Variants in ZNF600 observed in about 807,000 individuals in gnomAD.
ZNF600 encodes the protein zinc finger protein KR-ZNF1.
Under a neutral mutation model 7.3 loss-of-function variants are expected in ZNF600, and 4 were observed. That is an observed-to-expected ratio of 0.55 (90% CI 0.27 to 1.25). The LOEUF (loss-of-function observed/expected upper bound fraction) is 1.25, where lower values mean the gene tolerates loss of function less well. Ranked by LOEUF, ZNF600 falls within the 50% of genes most tolerant of loss-of-function variation. The pLI is 0.12. For missense variants in ZNF600, 911 were observed against 922.1 expected (o/e 0.99, Z 0.16); for synonymous variants, 290 against 308.9 (o/e 0.94, Z 0.64).
chr19:52,766,785 T>C (rs778833903), exon 4 of ZNF600: 1 of 1,614,142 alleles, frequency 6.2e-7, no homozygotes, highest in Middle Eastern at 1.6e-4. Context: ...CTCTCCAGTA[T>C]GAATTCTCTT....
exon 4 of ZNF600, chr19:52,766,625 A>C: frequency 1.2e-6 from 2 of 1,614,118 alleles, no homozygotes; most frequent in South Asian, 2.2e-5. Flanking sequence ...CATGAAGTCT[A>C]TGATGGCATA....
At chr19:52,815,362 C>CA in the ZNF600 span, among the ~76,000 whole-genome samples, 1 of 143,668 alleles carries the variant, frequency 7.0e-6, no homozygotes, top group Non-Finnish European at 1.5e-5. Context: ...ATTAAAAATA[C>CA]AAAAATTAGC....
At chr19:52,810,494 C>G in the ZNF600 span, 1 of 1,585,566 alleles carries the variant, frequency 6.3e-7, no homozygotes, top group Non-Finnish European at 8.7e-7. Context: ...GGATGAGTCC[C>G]TATTTAGAGG....
At chr19:52,798,426 T>G in the ZNF600 span, 1 of 423,356 alleles carries the variant, frequency 2.4e-6, no homozygotes, top group South Asian at 1.9e-5. Context: ...GCTATACTAA[T>G]GGCATTTGAA....
At chr19:52,810,917 CCA>C in the ZNF600 span, among the ~76,000 whole-genome samples, 2 of 103,436 alleles carry the variant, frequency 1.9e-5, no homozygotes, top group African/African-American at 8.5e-5. Context: ...CCCTCTCCCT[CCA>C]CAGTCTCCCT....
chr19:52,816,056 A>C, the ZNF600 span, among the ~76,000 whole-genome samples: 4 of 147,408 alleles, frequency 2.7e-5, no homozygotes, highest in Admixed American at 6.8e-5. Flanking sequence ...CTGACAGCTA[A>C]CACAGAACTG....
At chr19:52,810,071 A>T in the ZNF600 span, 1 of 751,102 alleles carries the variant, frequency 1.3e-6, no homozygotes, top group Non-Finnish European at 2.4e-6. Flanking sequence ...GAGCTCCAGG[A>T]CCTGGGCCTC....
At chr19:52,793,195 G>A in the ZNF600 span, among the ~76,000 whole-genome samples, 6 of 152,080 alleles carry the variant, frequency 3.9e-5, no homozygotes, top group East Asian at 1.9e-4. Flanking sequence ...TACTTCTTAC[G>A]TATACTGATT....
At chr19:52,830,893 C>T in the ZNF600 span, among the ~76,000 whole-genome samples, 4,039 of 130,108 alleles carry the variant, frequency 0.031, 700 homozygotes, top group African/African-American at 0.11. Context: ...ATAATTCCAC[C>T]AGGATAGACC....
At chr19:52,820,717 C>T in the ZNF600 span, among the ~76,000 whole-genome samples, 1 of 151,922 alleles carries the variant, frequency 6.6e-6, no homozygotes, top group South Asian at 2.1e-4. Flanking sequence ...GCTGTCTGTC[C>T]TTCATCTCTC....
At chr19:52,811,181 C>G in the ZNF600 span, among the ~76,000 whole-genome samples, 171 of 151,058 alleles carry the variant, frequency 1.1e-3, 1 homozygote, top group Non-Finnish European at 1.8e-3. Context: ...GATGGAGTCT[C>G]GTTCACTCAG....
the ZNF600 span, among the ~76,000 whole-genome samples, chr19:52,823,326 G>C: frequency 6.6e-6 from 1 of 152,106 alleles, no homozygotes; most frequent in African/African-American, 2.4e-5. Context: ...CAGCTCTCCT[G>C]CCTCAGCCTC....
the ZNF600 span, among the ~76,000 whole-genome samples, chr19:52,793,303 G>A: frequency 1.3e-5 from 2 of 152,152 alleles, no homozygotes; most frequent in South Asian, 2.1e-4. Flanking sequence ...TCACAGATGC[G>A]TCCTCAACCT....
chr19:52,785,374 C>T (rs2062755426), intron 1 of ZNF600, among the ~76,000 whole-genome samples: 2 of 151,916 alleles, frequency 1.3e-5, no homozygotes, highest in Admixed American at 6.6e-5. Context: ...CTCAGCCTCC[C>T]TAGTAGCTGG....
intron 1 of ZNF600, among the ~76,000 whole-genome samples, chr19:52,784,185 T>C (rs1568636002): frequency 6.6e-6 from 1 of 152,134 alleles, no homozygotes; most frequent in East Asian, 1.9e-4. Flanking sequence ...GCCCAGGATC[T>C]TGAGACCAGC....
chr19:52,784,666 A>C (rs1213890360), intron 1 of ZNF600, among the ~76,000 whole-genome samples: 1 of 152,228 alleles, frequency 6.6e-6, no homozygotes, highest in Non-Finnish European at 1.5e-5. Context: ...TATACACAGA[A>C]GTCAACATGT....
chr19:52,825,977 T>A, the ZNF600 span, among the ~76,000 whole-genome samples: 1 of 152,104 alleles, frequency 6.6e-6, no homozygotes, highest in Admixed American at 6.6e-5. Context: ...GACAGGCACA[T>A]TCATCAAATA....
exon 4 of ZNF600, chr19:52,767,418 T>C (rs2062594803): frequency 6.2e-7 from 1 of 1,614,074 alleles, no homozygotes; most frequent in African/African-American, 1.3e-5. Flanking sequence ...ACTGGTAGAC[T>C]TCTCAAATTG....
At chr19:52,813,271 A>AAAAAAAAAAAAAAAAAAAAAT in the ZNF600 span, among the ~76,000 whole-genome samples, 1 of 147,508 alleles carries the variant, frequency 6.8e-6, no homozygotes, top group Non-Finnish European at 1.5e-5. Context: ...AAAAAAAAAA[A>AAAAAAAAAAAAAAAAAAAAAT]GACATACTGT....
Sources: gnomAD v4.1 joint callset for allele counts (sites outside exome capture counted in the v4.1 genomes callset) on GRCh38, gnomAD v4.1.1 for gene constraint, MANE v1.5 for transcripts, NCBI Gene and HGNC (gene_info 2026-07-23, HGNC 2026-07-21) for gene names.